CMSS1: variants seen among roughly 807,000 people sequenced by gnomAD.
The protein encoded by CMSS1 is cms1 ribosomal small subunit homolog.
A neutral mutation model predicts 43.5 loss-of-function variants in CMSS1; 33 were observed. The ratio of observed to expected loss-of-function variants is 0.76; its 90% CI spans 0.57 to 1.01. The LOEUF is 1.01. Ranked by LOEUF, CMSS1 falls within the 50% of genes least tolerant of loss-of-function variation. CMSS1 has a pLI of 0.00. For missense variants in CMSS1, 313 were observed against 326.4 expected, an observed-to-expected ratio of 0.96 and a Z score of 0.32; for synonymous variants, 115 against 117.2, an observed-to-expected ratio of 0.98 and a Z score of 0.12.
intron 1 of CMSS1, among the ~76,000 whole-genome samples, chr3:100,104,436 C>G (rs1016480886): frequency 3.9e-5 from 6 of 152,104 alleles, no homozygotes; most frequent in Non-Finnish European, 7.4e-5. Flanking sequence ...TTGAGATACT[C>G]CAGAAAGATG....
chr3:99,823,245 C>T (rs1240069652), intron 1 of CMSS1, among the ~76,000 whole-genome samples: 1 of 152,186 alleles, frequency 6.6e-6, no homozygotes, highest in Non-Finnish European at 1.5e-5. Flanking sequence ...CTTTGAGAAC[C>T]ATTTCTGCCA....
intron 1 of CMSS1, among the ~76,000 whole-genome samples, chr3:100,048,968 A>G (rs567300312): frequency 6.6e-5 from 10 of 152,364 alleles, no homozygotes; most frequent in African/African-American, 2.4e-4. Flanking sequence ...CACACACACA[A>G]TTGTCTATTT....
intron 6 of CMSS1, among the ~76,000 whole-genome samples, chr3:100,171,427 A>G (rs2067108911): frequency 6.6e-6 from 1 of 151,986 alleles, no homozygotes; most frequent in South Asian, 2.1e-4. Context: ...TTGGCTCCAC[A>G]GAGAACGAGC....
intron 1 of CMSS1, among the ~76,000 whole-genome samples, chr3:100,125,688 G>A (rs1266312541): frequency 6.6e-6 from 1 of 152,200 alleles, no homozygotes; most frequent in Non-Finnish European, 1.5e-5. Flanking sequence ...TCCTGTTGAT[G>A]AGTCAGGTGG....
At chr3:100,074,972 G>A (rs957414132) in intron 1 of CMSS1, among the ~76,000 whole-genome samples, 2 of 151,970 alleles carry the variant, frequency 1.3e-5, no homozygotes. Flanking sequence ...GGGATTACAG[G>A]CATGAGCCAA....
intron 1 of CMSS1, among the ~76,000 whole-genome samples, chr3:99,890,924 C>T (rs1270633372): frequency 6.6e-6 from 1 of 152,052 alleles, no homozygotes; most frequent in Non-Finnish European, 1.5e-5. Context: ...TCCTTGAGCC[C>T]TGAGTTGAAG....
At chr3:99,856,011 G>A (rs543261383) in intron 1 of CMSS1, among the ~76,000 whole-genome samples, 2 of 152,298 alleles carry the variant, frequency 1.3e-5, no homozygotes, top group South Asian at 2.1e-4. Flanking sequence ...AAGGCATGAG[G>A]ACTTGCCCTG....
rs1191106011 is a variant in CMSS1, at chr3:99,977,538, G to A, written c.64+159495G>A. Among the ~76,000 whole-genome samples, 9 of 152,100 alleles carry A rather than the reference G, an allele frequency of 5.9e-5. 1 individual carries two copies. In the South Asian group the frequency reaches 1.5e-3, roughly 25 times the overall value. On this transcript the variant is annotated intron_variant, in intron 1 of 9. Transcript: ENST00000421999. ...ATTACTTGTTTTCCTGGGAATGTAA[G>A]CAAGTAATTACCTCCAAAAAGAATA...
At chr3:100,147,187 T>C in intron 2 of CMSS1, 126 bp downstream of exon 2, 3 of 1,047,272 alleles carry the variant, frequency 2.9e-6, no homozygotes, top group Non-Finnish European at 4.0e-6. Flanking sequence ...TTTTACTTTC[T>C]TTCCCTTTGA....
chr3:100,086,114 T>C (rs1442166943), intron 1 of CMSS1, among the ~76,000 whole-genome samples: 1 of 152,240 alleles, frequency 6.6e-6, no homozygotes, highest in Non-Finnish European at 1.5e-5. Context: ...GAAATAAACA[T>C]GTATCTTTCT....
At chr3:100,097,161 G>A (rs1249336541) in intron 1 of CMSS1, among the ~76,000 whole-genome samples, 6 of 152,126 alleles carry the variant, frequency 3.9e-5, no homozygotes, top group African/African-American at 1.2e-4. Flanking sequence ...CTGCACATGC[G>A]AGAGATCTAG....
intron 1 of CMSS1, among the ~76,000 whole-genome samples, chr3:99,905,395 A>G (rs928225184): frequency 7.2e-5 from 11 of 152,174 alleles, no homozygotes; most frequent in Admixed American, 6.5e-5. Context: ...CCAGTCTTCT[A>G]ATTGCTCTTA....
At chr3:100,117,848 T>C (rs867213590) in intron 1 of CMSS1, among the ~76,000 whole-genome samples, 2 of 91,508 alleles carry the variant, frequency 2.2e-5, no homozygotes, top group Non-Finnish European at 4.3e-5. Flanking sequence ...TATATATATA[T>C]ATATACATAT....
chr3:99,995,203 A>T (rs565915708), intron 1 of CMSS1, among the ~76,000 whole-genome samples: 66 of 152,332 alleles, frequency 4.3e-4, no homozygotes, highest in African/African-American at 1.5e-3. Flanking sequence ...GGGTAAATAC[A>T]GCTGTTCCAA....
Position 99,817,867 on chromosome 3 carries a change from C to T in CMSS1, c.-113C>T. On this transcript the variant is annotated 5_prime_UTR_variant, in exon 1 of 10. Transcript: ENST00000421999. ...CGCCGCGGGGCGGAGGCGACAGTGTCTAGCGGGAGCTCCGCGTGTAGCTAC... is the reference window on the plus strand; with the variant it reads ...CGCCGCGGGGCGGAGGCGACAGTGTTTAGCGGGAGCTCCGCGTGTAGCTAC... 1 of 1,101,632 alleles carries T rather than the reference C, an allele frequency of 9.1e-7. No individual in the cohort carries two copies. The highest frequency in any genetic ancestry group is 1.3e-6 in the Non-Finnish European group (1 of 747,766). The allele number at this position is 1,101,632 out of a possible 1,614,324, so 68.2% of individuals were successfully genotyped here.
At chr3:99,919,518 A>C (rs372567889) in intron 1 of CMSS1, among the ~76,000 whole-genome samples, 1 of 151,578 alleles carries the variant, frequency 6.6e-6, no homozygotes, top group East Asian at 1.9e-4. Flanking sequence ...CACTAGCTCC[A>C]AACTAATGAG....
intron 1 of CMSS1, among the ~76,000 whole-genome samples, chr3:100,068,102 A>G (rs2065697250): frequency 6.6e-6 from 1 of 152,252 alleles, no homozygotes; most frequent in Non-Finnish European, 1.5e-5. Context: ...GAAAGATTAC[A>G]TGGAGCATAT....
chr3:99,934,021 G>A (rs1707577974), intron 1 of CMSS1, among the ~76,000 whole-genome samples: 2 of 152,192 alleles, frequency 1.3e-5, no homozygotes, highest in Admixed American at 6.5e-5. Context: ...GTATTTGGCT[G>A]TTGGTTAGTT....
At chr3:99,951,996 C>T (rs781354662) in intron 1 of CMSS1, among the ~76,000 whole-genome samples, 3 of 152,138 alleles carry the variant, frequency 2.0e-5, no homozygotes, top group Non-Finnish European at 4.4e-5. Flanking sequence ...TGCCCCCACA[C>T]CCTTAGTTGA....
Sources: allele counts gnomAD v4.1 joint callset (sites outside exome capture counted in the v4.1 genomes callset), GRCh38; gene constraint gnomAD v4.1.1; transcripts MANE v1.5; gene names NCBI Gene and HGNC (gene_info 2026-07-23, HGNC 2026-07-21).